GOLGA4: variants seen among roughly 807,000 people sequenced by gnomAD.
GOLGA4 encodes golgin A4, also known as golgin subfamily A member 4.
GOLGA4 carries 169 observed loss-of-function variants against 265.9 expected under a neutral mutation model. The observed-to-expected ratio is 0.64, with a 90% CI of 0.56 to 0.72. GOLGA4 has a LOEUF of 0.72. Among genes scored for constraint, GOLGA4 ranks in the 30% least tolerant of loss-of-function variants. GOLGA4 has a pLI of 0.00. For synonymous variants in GOLGA4, 923 were observed against 855.8 expected, an observed-to-expected ratio of 1.08 and a Z score of -1.37; for missense variants, 2,482 against 2,483.4, an observed-to-expected ratio of 1.00 and a Z score of 0.01.
chr3:37,275,830 C>T (rs886098075), intron 2 of GOLGA4: 47 of 1,613,592 alleles, frequency 2.9e-5, no homozygotes, highest in South Asian at 1.2e-4. Flanking sequence ...CCACAAGAAT[C>T]GGAATGTCAG....
intron 16 of GOLGA4, among the ~76,000 whole-genome samples, chr3:37,331,796 T>C (rs1227588636): frequency 6.6e-6 from 1 of 152,084 alleles, no homozygotes; most frequent in Non-Finnish European, 1.5e-5. Context: ...TTTTGACATC[T>C]TTAATTCCCA....
rs372267148 is a variant in GOLGA4, at chr3:37,347,176, A to G, written c.6473-17A>G. The G allele has an allele frequency of 2.1e-5, 32 of 1,494,866 alleles. No individual in the cohort carries two copies. The highest frequency in any genetic ancestry group is 8.3e-5 in the African/African-American group (6 of 72,398). The allele number at this position is 1,494,866 out of a possible 1,614,324, so 92.6% of individuals were successfully genotyped here. A position where few individuals can be genotyped will look rare whatever the true frequency, so the allele number is the denominator to read the frequency against. On this transcript the variant is annotated splice_polypyrimidine_tract_variant and intron_variant, in intron 20 of 23. Transcript: ENST00000361924. ...TGGTTTTGTCTTTACAGTTTGATCTATTTTTTTATTTGGCAGGTGGCAATT... is the reference window on the plus strand; with the variant it reads ...TGGTTTTGTCTTTACAGTTTGATCTGTTTTTTTATTTGGCAGGTGGCAATT...
chr3:37,251,601 GT>G, intron 2 of GOLGA4, 117 bp downstream of exon 2: 3 of 498,356 alleles, frequency 6.0e-6, no homozygotes, highest in Non-Finnish European at 1.1e-5. Context: ...CCTAGGTAGA[GT>G]TTTTATTAGT....
intron 10 of GOLGA4, among the ~76,000 whole-genome samples, chr3:37,312,904 A>G (rs2096926861): frequency 6.6e-6 from 1 of 152,160 alleles, no homozygotes; most frequent in African/African-American, 2.4e-5. Flanking sequence ...TCAGTTTTAT[A>G]CTTTGGACAT....
At position 37,325,525 on chromosome 3, in the gene GOLGA4, A is replaced by G; in HGVS notation, c.3639A>G (p.Leu1213=). ...SLEFKKLSEE[L]AIQLDICCKK... ...AATTTAAAAAACTGTCTGAGGAACTAGCGATTCAGCTAGATATTTGCTGTA... is the reference window on the plus strand; with the variant it reads ...AATTTAAAAAACTGTCTGAGGAACTGGCGATTCAGCTAGATATTTGCTGTA... The change falls in exon 14 of 24, where the codon CTA becomes CTG. Residue 1213 remains leucine (L), a synonymous_variant. Transcript: ENST00000361924. 1.2e-6 allele frequency: 2 copies of G among 1,613,916 alleles called. No homozygotes were observed. The highest frequency in any genetic ancestry group is 8.5e-7 in the Non-Finnish European group (1 of 1,179,860).
intron 8 of GOLGA4, 74 bp downstream of exon 8, chr3:37,299,094 A>ACCTC (rs2096886218): frequency 7.8e-7 from 1 of 1,289,960 alleles, no homozygotes. Flanking sequence ...CATGGCTTGT[A>ACCTC]CCTCCGGGAG....
rs145536677 is a variant in GOLGA4, at chr3:37,351,174, A to G, written c.6576+3878A>G. On this transcript the variant is annotated intron_variant, in intron 21 of 23. Coordinates refer to ENST00000361924, the MANE Select transcript of GOLGA4 (RefSeq NM_002078.5). The stretch of plus-strand genomic sequence containing the variant: ...TAAATACTTTGATGTCATTTCAACA[A>G]TGTTCACAGCATCTTCACCAGGAGT... 2.5e-3 allele frequency among the ~76,000 whole-genome samples: 387 copies of G among 152,280 alleles called. 1 individual carries two copies. Among genetic ancestry groups the G allele is most frequent in the African/African-American group, 8.6e-3 (359 of 41,572 alleles).
At chr3:37,243,765 G>T (rs1189401325) in intron 1 of GOLGA4, 143 bp downstream of exon 1, 1 of 665,934 alleles carries the variant, frequency 1.5e-6, no homozygotes, top group Non-Finnish European at 2.6e-6. Context: ...GACCCAGAAG[G>T]AGCTCCGGGC....
chr3:37,320,877 A>G (rs889228889), intron 12 of GOLGA4, among the ~76,000 whole-genome samples: 17 of 152,140 alleles, frequency 1.1e-4, no homozygotes, highest in South Asian at 6.2e-4. Flanking sequence ...TATAGTTTAC[A>G]TTAAATAATA....
chr3:37,302,212 C>T lies in GOLGA4; in HGVS notation c.1114C>T (p.Gln372Ter). ...AATGGTAATCGCAGAGACAAAACGT[C>T]AGATGCATGAAACCCTGGAAATGAA... ...KGMVIAETKR[Q>*]MHETLEMKEE... Residue 372 changes from glutamine (Q) to a stop codon, truncating the protein, a stop_gained, in exon 10 of 24, where the codon CAG (glutamine) becomes TAG (stop). Transcript: ENST00000361924. LOFTEE classifies it high-confidence loss of function. 6.2e-7 allele frequency: 1 copy of T among 1,613,360 alleles called. No individual in the cohort carries two copies.
chr3:37,296,396 A>G (rs907775007), intron 7 of GOLGA4, among the ~76,000 whole-genome samples, 177 bp downstream of exon 7: 2 of 152,174 alleles, frequency 1.3e-5, no homozygotes, highest in African/African-American at 4.8e-5. Flanking sequence ...AAAAACAAAA[A>G]CAAAAATGAA....
chr3:37,303,996 A>C (rs1286896157), intron 10 of GOLGA4, among the ~76,000 whole-genome samples: 3 of 152,230 alleles, frequency 2.0e-5, no homozygotes, highest in African/African-American at 7.2e-5. Context: ...GAGAATAAGT[A>C]TATACTCAAG....
chr3:37,361,612 T>C (rs1356067364), intron 23 of GOLGA4, among the ~76,000 whole-genome samples: 1 of 152,186 alleles, frequency 6.6e-6, no homozygotes, highest in Non-Finnish European at 1.5e-5. Flanking sequence ...TTTTCCCTTT[T>C]GTTTTTAATT....
intron 17 of GOLGA4, among the ~76,000 whole-genome samples, chr3:37,336,416 T>C (rs2097012857): frequency 6.6e-6 from 1 of 152,020 alleles, no homozygotes; most frequent in Non-Finnish European, 1.5e-5. Context: ...CATTATGAAA[T>C]AAGAAGGACT....
In GOLGA4 at chr3:37,327,830, G is replaced by C; in HGVS notation, c.5939+5G>C. 1 of 1,583,232 alleles carries C rather than the reference G, an allele frequency of 6.3e-7. No homozygotes were observed. Among genetic ancestry groups the C allele is most frequent in the Non-Finnish European group, 8.6e-7 (1 of 1,160,418 alleles). On this transcript the variant is annotated splice_donor_5th_base_variant and intron_variant, in intron 14 of 23. Transcript: ENST00000361924. ...AGAAAGGGAAGAGAAAATCAAGTAA[G>C]TTTTATTTCAGCTTGAATATTTTTA...
intron 2 of GOLGA4, among the ~76,000 whole-genome samples, chr3:37,251,734 G>T (rs745486470): frequency 1.8e-4 from 27 of 151,854 alleles, no homozygotes; most frequent in Non-Finnish European, 3.7e-4. Context: ...ACCCAGGCTA[G>T]AGTGTGGTGG....
At chr3:37,271,972 C>T (rs1459253321) in intron 2 of GOLGA4, among the ~76,000 whole-genome samples, 1 of 152,272 alleles carries the variant, frequency 6.6e-6, no homozygotes, top group Non-Finnish European at 1.5e-5. Flanking sequence ...GTTGCATGCT[C>T]CTTATGAGAA....
chr3:37,283,303 C>T (rs995107134), intron 3 of GOLGA4, among the ~76,000 whole-genome samples: 3 of 152,120 alleles, frequency 2.0e-5, no homozygotes, highest in African/African-American at 4.8e-5. Flanking sequence ...ATAAACAAGG[C>T]ACTAAAGCCA....
chr3:37,321,240 A>G (rs2096954007), intron 12 of GOLGA4, among the ~76,000 whole-genome samples: 1 of 152,220 alleles, frequency 6.6e-6, no homozygotes, highest in Middle Eastern at 3.2e-3. Flanking sequence ...GAGCCAATGT[A>G]GCTTTGTTTT....
Sources: allele counts gnomAD v4.1 joint callset (sites outside exome capture counted in the v4.1 genomes callset), GRCh38; gene constraint gnomAD v4.1.1; transcripts MANE v1.5; gene names NCBI Gene and HGNC (gene_info 2026-07-23, HGNC 2026-07-21).